ZSWIM6: variants seen among roughly 807,000 people sequenced by gnomAD.
The protein encoded by ZSWIM6 is zinc finger SWIM-type containing 6, also known as zinc finger SWIM domain-containing protein 6.
A neutral mutation model predicts 113.2 loss-of-function variants in ZSWIM6; 9 were observed. That is an observed-to-expected ratio of 0.08 (90% CI 0.05 to 0.14). The LOEUF (loss-of-function observed/expected upper bound fraction) is 0.14. Ranked by LOEUF, ZSWIM6 falls within the 10% of genes least tolerant of loss-of-function variation. The pLI is 1.00. For missense variants in ZSWIM6, 1,162 were observed against 1,552.2 expected, an observed-to-expected ratio of 0.75 and a Z score of 4.22; for synonymous variants, 611 against 606.5, an observed-to-expected ratio of 1.01 and a Z score of -0.11.
chr5:61,474,230 A>C (rs527860855), intron 2 of ZSWIM6, among the ~76,000 whole-genome samples: 1 of 152,306 alleles, frequency 6.6e-6, no homozygotes, highest in South Asian at 2.1e-4. Context: ...ACTTTGTGTA[A>C]ATGGAATAAT....
At chr5:61,426,939 A>G (rs1414870246) in intron 1 of ZSWIM6, among the ~76,000 whole-genome samples, 1 of 151,702 alleles carries the variant, frequency 6.6e-6, no homozygotes, top group African/African-American at 2.4e-5. Flanking sequence ...CCTTATTGGT[A>G]GTGTTAATTG....
chr5:61,382,434 C>T (rs1203498490), intron 1 of ZSWIM6, among the ~76,000 whole-genome samples: 1 of 152,054 alleles, frequency 6.6e-6, no homozygotes, highest in Admixed American at 6.5e-5. Context: ...TTAATGATGC[C>T]AACGGTTCTT....
At chr5:61,536,554 T>A (rs978365216) in intron 10 of ZSWIM6, among the ~76,000 whole-genome samples, 3 of 152,220 alleles carry the variant, frequency 2.0e-5, no homozygotes, top group Non-Finnish European at 4.4e-5. Context: ...CTCAAGAAGC[T>A]TTTCATCAAA....
At chr5:61,347,912 T>C (rs1006286624) in intron 1 of ZSWIM6, among the ~76,000 whole-genome samples, 2 of 152,176 alleles carry the variant, frequency 1.3e-5, no homozygotes, top group African/African-American at 2.4e-5. Flanking sequence ...GCATGTGATC[T>C]TTTTGAATTA....
intron 9 of ZSWIM6, 58 bp from the exon 10 acceptor site, chr5:61,535,426 A>T: frequency 6.5e-7 from 1 of 1,535,830 alleles, no homozygotes; most frequent in East Asian, 2.5e-5. Flanking sequence ...AATATGCTTT[A>T]CAAGAAGTGT....
chr5:61,434,649 C>T (rs1205639526), intron 1 of ZSWIM6, among the ~76,000 whole-genome samples: 1 of 152,080 alleles, frequency 6.6e-6, no homozygotes, highest in Non-Finnish European at 1.5e-5. Context: ...GAGTAGTATT[C>T]CATGGTGTCT....
chr5:61,521,918 C>A (rs1339104643), intron 5 of ZSWIM6, among the ~76,000 whole-genome samples: 2 of 152,206 alleles, frequency 1.3e-5, no homozygotes, highest in African/African-American at 4.8e-5. Context: ...TATGACTCGA[C>A]TGAAGGACAT....
chr5:61,375,546 C>T, intron 1 of ZSWIM6: 1 of 1,548,594 alleles, frequency 6.5e-7, no homozygotes. Context: ...CTTCTGAAAG[C>T]TCCATGTCAG....
At chr5:61,459,576 C>T (rs983803898) in intron 1 of ZSWIM6, among the ~76,000 whole-genome samples, 3 of 152,250 alleles carry the variant, frequency 2.0e-5, no homozygotes, top group South Asian at 4.1e-4. Flanking sequence ...ATACATAGAT[C>T]GTTTGCTTTC....
intron 2 of ZSWIM6, among the ~76,000 whole-genome samples, chr5:61,478,688 AGTGT>A (rs567824133): frequency 1.4e-5 from 2 of 143,014 alleles, no homozygotes; most frequent in Non-Finnish European, 3.1e-5. Context: ...TTTATGTGTG[AGTGT>A]GTGTGTGTGT....
intron 1 of ZSWIM6, among the ~76,000 whole-genome samples, chr5:61,367,937 CAT>C (rs371000588): frequency 2.0e-5 from 3 of 152,094 alleles, no homozygotes; most frequent in African/African-American, 7.2e-5. Flanking sequence ...GCCTCTGTAA[CAT>C]AGGGAGGCCT....
At chr5:61,382,844 GA>G (rs1745514273) in intron 1 of ZSWIM6, among the ~76,000 whole-genome samples, 1 of 147,432 alleles carries the variant, frequency 6.8e-6, no homozygotes, top group African/African-American at 2.5e-5. Context: ...AAGAAAGAAA[GA>G]ATTTGGTGTT....
intron 1 of ZSWIM6, among the ~76,000 whole-genome samples, chr5:61,334,102 T>A (rs1312785802): frequency 6.6e-6 from 1 of 152,234 alleles, no homozygotes; most frequent in Non-Finnish European, 1.5e-5. Context: ...TAAAGTAGAA[T>A]ATATTTGACA....
chr5:61,538,398 A>T (rs1749639305), intron 10 of ZSWIM6, among the ~76,000 whole-genome samples: 1 of 152,230 alleles, frequency 6.6e-6, no homozygotes, highest in Admixed American at 6.5e-5. Flanking sequence ...TCTCAGTCTT[A>T]AATATCCATT....
At chr5:61,366,702 C>T (rs1037852819) in intron 1 of ZSWIM6, among the ~76,000 whole-genome samples, 3 of 152,178 alleles carry the variant, frequency 2.0e-5, no homozygotes, top group African/African-American at 4.8e-5. Context: ...GAGGCTGAGG[C>T]GGCAGATGGC....
chr5:61,452,107 T>C lies in ZSWIM6; in HGVS notation c.677-20574T>C, dbSNP rs144646012. ...CATTTCCCACCCACTGCAGAAATTA[T>C]CCTGAGCTTTGAGTCAATCATTTTC... On this transcript the variant is annotated intron_variant, in intron 1 of 13. Coordinates refer to ENST00000252744, the MANE Select transcript of ZSWIM6 (RefSeq NM_020928.2). Among the ~76,000 whole-genome samples the C allele has an allele frequency of 2.1e-3, 327 of 152,296 alleles. 1 individual carries two copies. The highest frequency in any genetic ancestry group is 2.7e-3 in the Non-Finnish European group (187 of 68,014).
chr5:61,457,091 T>C (rs1038347210), intron 1 of ZSWIM6, among the ~76,000 whole-genome samples: 3 of 151,264 alleles, frequency 2.0e-5, no homozygotes, highest in African/African-American at 2.4e-5. Context: ...GAGTGTGATA[T>C]TCCCCTTCCT....
chr5:61,475,038 T>G (rs1200707585), intron 2 of ZSWIM6, among the ~76,000 whole-genome samples: 1 of 152,212 alleles, frequency 6.6e-6, no homozygotes, highest in Non-Finnish European at 1.5e-5. Context: ...TCAAGTAGGC[T>G]TCTGCTCTGT....
intron 1 of ZSWIM6, among the ~76,000 whole-genome samples, chr5:61,353,626 A>G (rs1744835335): frequency 6.6e-6 from 1 of 152,218 alleles, no homozygotes; most frequent in African/African-American, 2.4e-5. Flanking sequence ...CTCTTTGATA[A>G]GTAGTAATGG....
Sources: gnomAD v4.1 joint callset for allele counts (sites outside exome capture counted in the v4.1 genomes callset) on GRCh38, gnomAD v4.1.1 for gene constraint, MANE v1.5 for transcripts, NCBI Gene and HGNC (gene_info 2026-07-23, HGNC 2026-07-21) for gene names.